The following TIAM1 variants were observed in gnomAD, a reference collection of about 807,000 sequenced individuals.
TIAM1 encodes rho guanine nucleotide exchange factor TIAM1.
A neutral mutation model predicts 163.5 loss-of-function variants in TIAM1; 65 were observed. The ratio of observed to expected loss-of-function variants is 0.40; its 90% CI spans 0.33 to 0.49. The LOEUF (loss-of-function observed/expected upper bound fraction) is 0.49. TIAM1 is among the 20% of genes least tolerant of loss of function. The pLI is 0.77. For missense variants in TIAM1, 1,789 were observed against 2,044.7 expected, an observed-to-expected ratio of 0.87 and a Z score of 2.41; for synonymous variants, 833 against 810.1, an observed-to-expected ratio of 1.03 and a Z score of -0.48.
Position 31,124,621 on chromosome 21 carries a change from G to A in TIAM1, c.4207C>T (p.Leu1403Phe). 1 of 1,613,814 alleles carries A rather than the reference G, an allele frequency of 6.2e-7. No homozygotes were observed. The highest frequency in any genetic ancestry group is 8.5e-7 in the Non-Finnish European group (1 of 1,179,846). ...ILRDKHRRQL[L>F]KTESLPSSQQ... ...GATGAGGGAAGGCTCTCGGTTTTGA[G>A]GAGCTGTCTTCTGTGCTTATCACGC... is the stretch of plus-strand genomic sequence containing the variant. The change falls in exon 27 of 28, where the codon CTC becomes TTC. Residue 1403 changes from leucine to phenylalanine, a missense_variant. Leu to Phe is a conservative substitution (Grantham distance 22). Transcript: ENST00000541036.
chr21:31,348,358 C>T (rs553664282), upstream of TIAM1, among the ~76,000 whole-genome samples: 1 of 152,318 alleles, frequency 6.6e-6, no homozygotes, highest in South Asian at 2.1e-4. Context: ...CCAACGCGTC[C>T]TCACCTATGT....
At chr21:31,459,704 G>A (rs190039251) in intron 2 of TIAM1, among the ~76,000 whole-genome samples, 106 of 152,322 alleles carry the variant, frequency 7.0e-4, no homozygotes, top group African/African-American at 2.5e-3. Context: ...CCATCAGGGG[G>A]TGGTGAAGAG....
chr21:31,263,183 G>GC (rs5843502), intron 4 of TIAM1, among the ~76,000 whole-genome samples: 3,629 of 152,222 alleles, frequency 0.024, 148 homozygotes, highest in African/African-American at 0.084. Flanking sequence ...ATACTTCCGT[G>GC]CATTTTATAC....
chr21:31,279,434 C>T (rs2073446833), intron 2 of TIAM1, among the ~76,000 whole-genome samples: 1 of 152,202 alleles, frequency 6.6e-6, no homozygotes, highest in African/African-American at 2.4e-5. Context: ...TATCAGTACT[C>T]TGGGTTTTCT....
chr21:31,243,968 T>C lies in TIAM1; in HGVS notation c.1584+1520A>G, dbSNP rs566119079. Among the ~76,000 whole-genome samples, 28 of 152,328 alleles carry C rather than the reference T, an allele frequency of 1.8e-4. No homozygotes were observed. The South Asian group carries it at 5.2e-3, about 28-fold the overall frequency. ...TGATAAAAGACATACTCAATTCAAC[T>C]AGTAGGCTGCATTTGTGAGTGGGGT... is the stretch of plus-strand genomic sequence containing the variant. On this transcript the variant is annotated intron_variant, in intron 6 of 27. Transcript: ENST00000541036.
rs1029073520 is a variant in TIAM1 at position 31,130,870 on chromosome 21, G to C, written c.3942+20C>G. 5 of 1,609,520 alleles carry C rather than the reference G, an allele frequency of 3.1e-6. No homozygotes were observed. Among genetic ancestry groups the C allele is most frequent in the Admixed American group, 1.7e-5 (1 of 59,988 alleles). On this transcript the variant is annotated intron_variant, in intron 24 of 27. Transcript: ENST00000541036. The stretch of plus-strand genomic sequence containing the variant: ...ATAGAGAAATAGTTTCAAACCATGG[G>C]GTAACATAAGATGTCTTACAAGTTT...
intron 6 of TIAM1, among the ~76,000 whole-genome samples, chr21:31,235,513 C>T (rs1346903749): frequency 6.6e-6 from 1 of 152,112 alleles, no homozygotes; most frequent in South Asian, 2.1e-4. Flanking sequence ...TATCTAAAAT[C>T]CATTAGAAAC....
At chr21:31,471,791 C>T (rs968920649) in intron 1 of TIAM1, among the ~76,000 whole-genome samples, 4 of 151,938 alleles carry the variant, frequency 2.6e-5, no homozygotes, top group Admixed American at 2.6e-4. Context: ...ATCACTTAAA[C>T]CCAGGAGGCA....
In TIAM1 at chr21:31,334,322, T is replaced by C. The variant is rs542417375; in HGVS notation, c.-189+4921A>G. On this transcript the variant is annotated intron_variant, in intron 2 of 27. Coordinates refer to ENST00000541036, the MANE Select transcript of TIAM1 (RefSeq NM_001353694.2). ...TTTTTTGACTTGGGATCTCACTCTG[T>C]TGCCCAGGCTTGAGTGCAATGGCGT... Among the ~76,000 whole-genome samples, 8 of 152,128 alleles carry C rather than the reference T, an allele frequency of 5.3e-5. No individual in the cohort carries two copies. The East Asian group carries it at 1.5e-3, about 29-fold the overall frequency.
chr21:31,455,000 T>C (rs1326660312), intron 2 of TIAM1, among the ~76,000 whole-genome samples: 2 of 151,720 alleles, frequency 1.3e-5, no homozygotes, highest in Non-Finnish European at 2.9e-5. Context: ...GAGCCTAGAG[T>C]CCAGGCACGG....
chr21:31,289,580 C>A (rs924590036), intron 2 of TIAM1, among the ~76,000 whole-genome samples: 1 of 152,150 alleles, frequency 6.6e-6, no homozygotes, highest in South Asian at 2.1e-4. Flanking sequence ...GGCTGTACAA[C>A]AATTACTGTT....
chr21:31,163,052 A>T (rs997779492), intron 16 of TIAM1, among the ~76,000 whole-genome samples: 7 of 152,140 alleles, frequency 4.6e-5, no homozygotes, highest in African/African-American at 1.7e-4. Flanking sequence ...TTTAACATGG[A>T]AACGATCTCT....
Position 31,430,296 on chromosome 21 carries a change from G to A in TIAM1, c.-369+33687C>T, listed in dbSNP as rs573826671. ...CACATATATATATATATTGCACAGT[G>A]GGGAATCCCCATGATAAATCCCTCT... On this transcript the variant is annotated intron_variant, in intron 2 of 28. Coordinates refer to the TIAM1 transcript ENST00000286827. Among the ~76,000 whole-genome samples the A allele has an allele frequency of 3.6e-4, 54 of 148,706 alleles. 1 individual carries two copies. The highest frequency in any genetic ancestry group is 1.2e-3 in the African/African-American group (49 of 40,052).
chr21:31,161,174 A>T (rs1433035056), intron 16 of TIAM1, among the ~76,000 whole-genome samples: 1 of 152,188 alleles, frequency 6.6e-6, no homozygotes, highest in Non-Finnish European at 1.5e-5. Flanking sequence ...AGAAAAAGTC[A>T]TTCCTAATGG....
At chr21:31,507,581 A>T (rs1310524003) in intron 1 of TIAM1, among the ~76,000 whole-genome samples, 1 of 152,064 alleles carries the variant, frequency 6.6e-6, no homozygotes, top group Non-Finnish European at 1.5e-5. Flanking sequence ...TTTCTTTTTT[A>T]TTCAACTAAT....
chr21:31,458,060 C>T (rs1211632462), intron 2 of TIAM1, among the ~76,000 whole-genome samples: 3 of 152,188 alleles, frequency 2.0e-5, no homozygotes, highest in African/African-American at 7.2e-5. Context: ...GGCCTGAAGG[C>T]ACAGGAAGTC....
intron 2 of TIAM1, among the ~76,000 whole-genome samples, chr21:31,323,484 G>A (rs2184545): frequency 0.14 from 21,316 of 151,888 alleles, 1,691 homozygotes; most frequent in Non-Finnish European, 0.19. Flanking sequence ...CAACGTGGGC[G>A]AATCACTTCA....
At chr21:31,171,055 A>C (rs2084489541) in intron 15 of TIAM1, among the ~76,000 whole-genome samples, 1 of 151,020 alleles carries the variant, frequency 6.6e-6, no homozygotes, top group Admixed American at 6.6e-5. Context: ...AAAAAAAAAA[A>C]AAAAAAATTG....
At chr21:31,507,795 T>C (rs2047081740) in intron 1 of TIAM1, among the ~76,000 whole-genome samples, 1 of 152,108 alleles carries the variant, frequency 6.6e-6, no homozygotes, top group African/African-American at 2.4e-5. Context: ...CCATCAATCA[T>C]ATTATGGGAA....
Sources: allele counts gnomAD v4.1 joint callset (sites outside exome capture counted in the v4.1 genomes callset), GRCh38; gene constraint gnomAD v4.1.1; transcripts MANE v1.5; gene names NCBI Gene and HGNC (gene_info 2026-07-23, HGNC 2026-07-21).